The following KIAA0232 variants were observed in gnomAD, a reference collection of about 807,000 sequenced individuals.
KIAA0232 encodes uncharacterized protein KIAA0232.
Under a neutral mutation model 122.0 loss-of-function variants are expected in KIAA0232, and 27 were observed. That is an observed-to-expected ratio of 0.22 (90% CI 0.16 to 0.31). The LOEUF (loss-of-function observed/expected upper bound fraction) is 0.31. Among genes scored for constraint, KIAA0232 ranks in the 10% least tolerant of loss-of-function variants. The pLI is 1.00. For synonymous variants in KIAA0232, 613 were observed against 587.6 expected, an observed-to-expected ratio of 1.04 and a Z score of -0.63; for missense variants, 1,551 against 1,634.2, an observed-to-expected ratio of 0.95 and a Z score of 0.88.
chr4:6,825,528 C>T (rs192646318), intron 3 of KIAA0232, among the ~76,000 whole-genome samples: 1 of 152,208 alleles, frequency 6.6e-6, no homozygotes, highest in East Asian at 1.9e-4. Flanking sequence ...GCACTCCAGC[C>T]TTGGCAACAG....
Position 6,862,626 on chromosome 4 carries a change from A to G in KIAA0232, c.2244A>G (p.Arg748=). ...NAEDINYVVP[R]VSSNYVDEEL... ...AAGATATTAATTATGTAGTTCCTAG[A>G]GTCTCGTCAAATTATGTAGATGAAG... is the stretch of plus-strand genomic sequence containing the variant. The change falls in exon 7 of 10, where the codon AGA becomes AGG. Residue 748 remains arginine (R), a synonymous_variant. Transcript: ENST00000307659. The G allele has an allele frequency of 6.2e-7, 1 of 1,613,508 alleles. No homozygotes were observed. The highest frequency in any genetic ancestry group is 8.5e-7 in the Non-Finnish European group (1 of 1,179,858).
rs749413055 is a variant in KIAA0232, at chr4:6,864,116, G to T, written c.3734G>T (p.Gly1245Val). Residue 1245 changes from glycine to valine, a missense_variant, in exon 7 of 10, where the codon GGT (glycine) becomes GTT (valine). Transcript: ENST00000307659. Reference sequence around the variant, plus strand: ...GAGGAAGAAATTAATAATTTTTGTGGTTGCAAAGCAGGTTGTCAGTTTCCT... The same window carrying T: ...GAGGAAGAAATTAATAATTTTTGTGTTTGCAAAGCAGGTTGTCAGTTTCCT... ...QCEEEINNFC[G>V]CKAGCQFPAY... is the part of the protein sequence containing the mutation. 6.2e-7 allele frequency: 1 copy of T among 1,614,096 alleles called. No individual in the cohort carries two copies. The highest frequency in any genetic ancestry group is 1.1e-5 in the South Asian group (1 of 91,052).
At position 6,880,910 on chromosome 4, in the gene KIAA0232, G is replaced by A. The variant is rs1269878388; in HGVS notation, c.4132G>A (p.Gly1378Arg). Reference protein sequence around the residue: ...STSEETGSEGGGEWVGPSEEE... With the variant: ...STSEETGSEGRGEWVGPSEEE... The stretch of plus-strand genomic sequence containing the variant: ...CTCGGAAGAGACAGGCTCAGAAGGC[G>A]GAGGCGAGTGGGTGGGCCCTAGTGA... Residue 1378 changes from glycine to arginine, a missense_variant, in exon 10 of 10, where the codon GGA (glycine) becomes AGA (arginine). Physicochemically the swap from Gly to Arg is moderately radical, Grantham distance 125. This residue lies in a region of KIAA0232 where 1,108 missense variants were observed against 1,154.8 expected (regional missense o/e 0.96). Coordinates refer to ENST00000307659, the MANE Select transcript of KIAA0232 (RefSeq NM_014743.3). The A allele has an allele frequency of 1.7e-5, 27 of 1,605,388 alleles. No homozygotes were observed. The East Asian group carries it at 2.2e-4, about 13-fold the overall frequency.
intron 4 of KIAA0232, among the ~76,000 whole-genome samples, chr4:6,844,988 T>C (rs941853395): frequency 7.9e-5 from 12 of 152,338 alleles, no homozygotes; most frequent in African/African-American, 2.9e-4. Flanking sequence ...TCACTTTCGG[T>C]AACAACCAAG....
At chr4:6,821,728 A>G (rs1426462873) in intron 2 of KIAA0232, among the ~76,000 whole-genome samples, 1 of 152,032 alleles carries the variant, frequency 6.6e-6, no homozygotes, top group African/African-American at 2.4e-5. Context: ...GTATATACAT[A>G]TACCACAATT....
At chr4:6,877,940 A>G (rs1021353708) in intron 9 of KIAA0232, among the ~76,000 whole-genome samples, 1 of 152,222 alleles carries the variant, frequency 6.6e-6, no homozygotes, top group Non-Finnish European at 1.5e-5. Context: ...AATTATATGT[A>G]ATCTTCAAAT....
In KIAA0232 at chr4:6,824,257, A is replaced by T. The variant is rs1383620255; in HGVS notation, c.-197A>T. 3.3e-6 allele frequency: 2 copies of T among 599,828 alleles called. No homozygotes were observed. Among genetic ancestry groups the T allele is most frequent in the East Asian group, 5.5e-5 (2 of 36,320 alleles). 37.2% of individuals were successfully genotyped at this position (599,828 alleles called of 1,614,324 possible). The stretch of plus-strand genomic sequence containing the variant: ...AAATCACATCTACATGCATGTTGCT[A>T]TCAGGATGTTGATTCATTAGTCATG... On this transcript the variant is annotated 5_prime_UTR_variant, in exon 3 of 10. Coordinates refer to ENST00000307659, the MANE Select transcript of KIAA0232 (RefSeq NM_014743.3).
chr4:6,842,301 C>G (rs1291897520), intron 4 of KIAA0232, 97 bp downstream of exon 4: 1 of 1,186,868 alleles, frequency 8.4e-7, no homozygotes, highest in Non-Finnish European at 1.2e-6. Flanking sequence ...ACTGGGAAAA[C>G]AAAGTACTTA....
At chr4:6,810,565 A>G (rs1412919437) in intron 2 of KIAA0232, among the ~76,000 whole-genome samples, 1 of 152,238 alleles carries the variant, frequency 6.6e-6, no homozygotes, top group Non-Finnish European at 1.5e-5. Context: ...CAACTAAAAC[A>G]GAAATAGACA....
At chr4:6,864,884 C>G (rs1721089685) in intron 7 of KIAA0232, among the ~76,000 whole-genome samples, 1 of 152,034 alleles carries the variant, frequency 6.6e-6, no homozygotes, top group African/African-American at 2.4e-5. Flanking sequence ...AGAAGTTGAT[C>G]ACTTTATCAA....
chr4:6,802,434 A>G (rs1343990803), intron 1 of KIAA0232, among the ~76,000 whole-genome samples: 1 of 152,178 alleles, frequency 6.6e-6, no homozygotes, highest in African/African-American at 2.4e-5. Context: ...TGGTTGGACA[A>G]TATTTTTCTT....
At chr4:6,866,791 A>T (rs1721210857) in intron 7 of KIAA0232, among the ~76,000 whole-genome samples, 1 of 152,214 alleles carries the variant, frequency 6.6e-6, no homozygotes, top group Admixed American at 6.5e-5. Flanking sequence ...CCTGTTGCTA[A>T]AGTAGGTGTC....
chr4:6,823,130 A>G (rs886434477), intron 2 of KIAA0232, among the ~76,000 whole-genome samples: 2 of 151,788 alleles, frequency 1.3e-5, no homozygotes, highest in African/African-American at 4.8e-5. Context: ...ATGGCTGCAT[A>G]GTATTCCATG....
chr4:6,796,799 C>T (rs891418784), intron 1 of KIAA0232, among the ~76,000 whole-genome samples: 3 of 152,154 alleles, frequency 2.0e-5, no homozygotes, highest in African/African-American at 7.2e-5. Context: ...CGTAGGGTGT[C>T]TTTGAGAATG....
intron 2 of KIAA0232, among the ~76,000 whole-genome samples, chr4:6,807,404 T>C (rs1296121333): frequency 6.6e-6 from 1 of 152,248 alleles, no homozygotes; most frequent in Non-Finnish European, 1.5e-5. Context: ...TGATGACTAG[T>C]AAGCATGGAA....
chr4:6,859,256 C>T (rs1288006607), intron 6 of KIAA0232, among the ~76,000 whole-genome samples: 4 of 151,752 alleles, frequency 2.6e-5, no homozygotes, highest in African/African-American at 9.7e-5. Context: ...TTTTTTTGTT[C>T]GTAAATAGTC....
intron 2 of KIAA0232, among the ~76,000 whole-genome samples, chr4:6,805,393 T>C (rs534337217): frequency 1.3e-5 from 2 of 152,208 alleles, no homozygotes; most frequent in Non-Finnish European, 2.9e-5. Flanking sequence ...CCATATAAAC[T>C]TTTCATATAG....
chr4:6,795,066 A>G (rs951313769), intron 1 of KIAA0232, among the ~76,000 whole-genome samples: 1 of 151,866 alleles, frequency 6.6e-6, no homozygotes, highest in Non-Finnish European at 1.5e-5. Context: ...CACAAGCCAC[A>G]TGTTTTGTTT....
At chr4:6,787,378 T>C (rs561398766) in intron 1 of KIAA0232, among the ~76,000 whole-genome samples, 1 of 152,290 alleles carries the variant, frequency 6.6e-6, no homozygotes, top group East Asian at 1.9e-4. Flanking sequence ...CGTGAACAAG[T>C]TTGTTAAATC....
Sources: gnomAD v4.1 joint callset for allele counts (sites outside exome capture counted in the v4.1 genomes callset) on GRCh38, gnomAD v4.1.1 for gene constraint, gnomAD v4.1.1 regional missense constraint, MANE v1.5 for transcripts, NCBI Gene and HGNC (gene_info 2026-07-23, HGNC 2026-07-21) for gene names.